Variants in YBX3 observed in about 807,000 individuals in gnomAD.
The protein encoded by YBX3 is Y-box-binding protein 3.
In YBX3, 29 loss-of-function variants were observed where a neutral mutation model predicts 42.4. The observed-to-expected ratio is 0.68, with a 90% confidence interval of 0.51 to 0.93. The LOEUF (loss-of-function observed/expected upper bound fraction) is 0.93. Ranked by LOEUF, YBX3 falls within the 40% of genes least tolerant of loss-of-function variation. The pLI, the probability that YBX3 is intolerant of heterozygous loss-of-function variation, is 0.00. For synonymous variants in YBX3, 195 were observed against 189.8 expected (o/e 1.03, Z -0.22); for missense variants, 517 against 527.5 (o/e 0.98, Z 0.19).
At chr12:10,717,585 A>G (rs1948276588) in intron 3 of YBX3, 1 of 152,300 alleles carries the variant, frequency 6.6e-6, no homozygotes, top group Non-Finnish European at 1.5e-5. Context: ...ACGTCCTAAC[A>G]TGCCTCATTT....
At chr12:10,700,774 T>C (rs1484442492) in intron 9 of YBX3, among the ~76,000 whole-genome samples, 1 of 152,136 alleles carries the variant, frequency 6.6e-6, no homozygotes, top group African/African-American at 2.4e-5. Context: ...CAGTAGAGCC[T>C]GCAATGGGTA....
chr12:10,712,513 A>G (rs1396756428), intron 5 of YBX3: 2 of 152,248 alleles, frequency 1.3e-5, no homozygotes, highest in Non-Finnish European at 2.9e-5. Flanking sequence ...TATGCTAAAT[A>G]AAACAGCCTC....
chr12:10,703,498 C>A (rs1231362179), intron 7 of YBX3: 4 of 370,500 alleles, frequency 1.1e-5, no homozygotes, highest in South Asian at 2.1e-5. Context: ...AGGTACCACA[C>A]TAATTATCTT....
chr12:10,704,852 T>A lies in YBX3; in HGVS notation c.781-704A>T, dbSNP rs1294019207. On this transcript the variant is annotated intron_variant, in intron 6 of 9. Transcript: ENST00000228251. Reference sequence around the variant, plus strand: ...AACTAGACACAGCATGTTAACGCTATCCCTTCACTATGTTTTCACCTTTTC... The same window carrying A: ...AACTAGACACAGCATGTTAACGCTAACCCTTCACTATGTTTTCACCTTTTC... Among the ~76,000 whole-genome samples, 7 of 152,334 alleles carry A rather than the reference T, an allele frequency of 4.6e-5. 1 individual carries two copies. In the Middle Eastern group the frequency reaches 0.01, roughly 222 times the overall value.
intron 1 of YBX3, among the ~76,000 whole-genome samples, chr12:10,719,711 T>G (rs1401522487): frequency 6.6e-6 from 1 of 152,228 alleles, no homozygotes; most frequent in African/African-American, 2.4e-5. Context: ...AGTTCTGTAC[T>G]TACCACTCTG....
At chr12:10,708,659 T>C (rs996083725) in intron 6 of YBX3, among the ~76,000 whole-genome samples, 1 of 152,244 alleles carries the variant, frequency 6.6e-6, no homozygotes, top group African/African-American at 2.4e-5. Flanking sequence ...ATTAACTAAA[T>C]GCAGTTAAGT....
intron 6 of YBX3, among the ~76,000 whole-genome samples, chr12:10,704,995 T>C (rs1948121736): frequency 6.6e-6 from 1 of 152,234 alleles, no homozygotes; most frequent in African/African-American, 2.4e-5. Context: ...TCAGATCCCA[T>C]TCAAGTTTCA....
Position 10,722,980 on chromosome 12 carries a change from C to A in YBX3, c.132G>T (p.Ala44=). 3 of 1,233,816 alleles carry A rather than the reference C, an allele frequency of 2.4e-6. No homozygotes were observed. Among genetic ancestry groups the A allele is most frequent in the Non-Finnish European group, 3.0e-6 (3 of 993,030 alleles). 76.4% of individuals were successfully genotyped at this position (1,233,816 alleles called of 1,614,324 possible). A position where few individuals can be genotyped will look rare whatever the true frequency, so the allele number is the denominator to read the frequency against. The change falls in exon 1 of 10, where the codon GCG becomes GCT. Residue 44 remains alanine, a synonymous_variant. Coordinates refer to ENST00000228251, the MANE Select transcript of YBX3 (RefSeq NM_003651.5). The part of the protein sequence containing the change: ...SPVGSGAPQA[A]APAPAAHVAG... ...CGACGTGGGCGGCGGGCGCCGGGGC[C>A]GCGGCCTGGGGCGCACCGCTGCCCA... is the stretch of plus-strand genomic sequence containing the variant.
Position 10,704,065 on chromosome 12 carries a change from G to T in YBX3, c.864C>A (p.Arg288=), listed in dbSNP as rs776629580. Residue 288 remains arginine (R), a synonymous_variant, in exon 7 of 10, where the codon CGC becomes CGA. Coordinates refer to ENST00000228251, the MANE Select transcript of YBX3 (RefSeq NM_003651.5). ...ATGCGACATACCTACGGTACCTTGG[G>T]CGGTAAGTTGGATTTCGATGAACCG... ...QGPVHRNPTY[R]PRYRSRGPPR... The T allele has an allele frequency of 6.2e-7, 1 of 1,613,986 alleles. No individual in the cohort carries two copies. Among genetic ancestry groups the T allele is most frequent in the Non-Finnish European group, 8.5e-7 (1 of 1,180,032 alleles).
chr12:10,713,746 A>G (rs1320663719), intron 4 of YBX3, among the ~76,000 whole-genome samples: 1 of 152,222 alleles, frequency 6.6e-6, no homozygotes, highest in Non-Finnish European at 1.5e-5. Flanking sequence ...CCAAGAGGAC[A>G]ATCCCTATTC....
intron 1 of YBX3, among the ~76,000 whole-genome samples, chr12:10,721,763 C>A (rs887235507): frequency 6.6e-6 from 1 of 152,140 alleles, no homozygotes; most frequent in African/African-American, 2.4e-5. Context: ...CATGCCCCAC[C>A]CCAAATAGTG....
At chr12:10,710,666 T>C (rs1948190429) in intron 5 of YBX3, 2 of 993,082 alleles carry the variant, frequency 2.0e-6, no homozygotes, top group African/African-American at 3.3e-5. Flanking sequence ...TTCCCAGGCA[T>C]TCTCTCAGAA....
chr12:10,714,693 G>A (rs958424886), intron 4 of YBX3, among the ~76,000 whole-genome samples: 1 of 151,780 alleles, frequency 6.6e-6, no homozygotes. Flanking sequence ...AGGTAGAAGT[G>A]CTTACAAGTC....
At chr12:10,708,684 T>C (rs1948164984) in intron 6 of YBX3, among the ~76,000 whole-genome samples, 3 of 152,252 alleles carry the variant, frequency 2.0e-5, no homozygotes, top group African/African-American at 7.2e-5. Flanking sequence ...GGAATAAGCG[T>C]ACATGTTCAA....
At chr12:10,700,592 T>C (rs1948067468) in intron 9 of YBX3, among the ~76,000 whole-genome samples, 1 of 152,160 alleles carries the variant, frequency 6.6e-6, no homozygotes, top group South Asian at 2.1e-4. Context: ...AAGCTATCCT[T>C]TTACGAGAGG....
chr12:10,722,789 C>G (rs892276485), intron 1 of YBX3, 61 bp downstream of exon 1: 89 of 1,329,770 alleles, frequency 6.7e-5, no homozygotes, highest in Non-Finnish European at 8.5e-5. Context: ...CCCACACGTG[C>G]TCCGCGGCCG....
At chr12:10,722,498 C>A (rs1473289470) in intron 1 of YBX3, 1 of 173,548 alleles carries the variant, frequency 5.8e-6, no homozygotes, top group Non-Finnish European at 1.2e-5. Flanking sequence ...CTCTCCCAGA[C>A]TGCCTCTCCT....
At position 10,723,256 on chromosome 12, in the gene YBX3, T is replaced by G. The variant is rs968800094; in HGVS notation, c.-145A>C. The G allele has an allele frequency of 4.4e-6, 5 of 1,149,242 alleles. No individual in the cohort carries two copies. Among genetic ancestry groups the G allele is most frequent in the Non-Finnish European group, 4.3e-6 (4 of 931,092 alleles). 71.2% of individuals were successfully genotyped at this position (1,149,242 alleles called of 1,614,324 possible). A position where few individuals can be genotyped will look rare whatever the true frequency, so the allele number is the denominator to read the frequency against. ...GCAGGCGGCGGCGGCCGAGGTGGGG[T>G]CGCGCGGCGGAGGCGGCTCGAGCTT... is the stretch of plus-strand genomic sequence containing the variant. On this transcript the variant is annotated 5_prime_UTR_variant, in exon 1 of 10. Coordinates refer to ENST00000228251, the MANE Select transcript of YBX3 (RefSeq NM_003651.5).
Position 10,723,171 on chromosome 12 carries a change from C to G in YBX3, c.-60G>C, listed in dbSNP as rs550604992. ...GGTGGCGGTTGGTCGGCGGTTAGCG[C>G]GGCTGGTGGTCGCGGCGGCCGGGGC... is the stretch of plus-strand genomic sequence containing the variant. On this transcript the variant is annotated 5_prime_UTR_variant, in exon 1 of 10. Coordinates refer to ENST00000228251, the MANE Select transcript of YBX3 (RefSeq NM_003651.5). The G allele has an allele frequency of 1.7e-4, 200 of 1,184,956 alleles. 2 individuals carry two copies. In the South Asian group the frequency reaches 7.1e-3, roughly 42 times the overall value. 73.4% of individuals were successfully genotyped at this position (1,184,956 alleles called of 1,614,324 possible).
Sources: allele counts gnomAD v4.1 joint callset (sites outside exome capture counted in the v4.1 genomes callset), GRCh38; gene constraint gnomAD v4.1.1; transcripts MANE v1.5; gene names NCBI Gene and HGNC (gene_info 2026-07-23, HGNC 2026-07-21).